MTMR3: variants seen among roughly 807,000 people sequenced by gnomAD.
MTMR3 encodes phosphatidylinositol-3,5-bisphosphate 3-phosphatase MTMR3.
In MTMR3, 32 loss-of-function variants were observed where a neutral mutation model predicts 132.4. That is an observed-to-expected ratio of 0.24 (90% confidence interval 0.18 to 0.32). The LOEUF (loss-of-function observed/expected upper bound fraction) is 0.32, where lower values mean the gene tolerates loss of function less well. MTMR3 is among the 10% of genes least tolerant of loss of function. The probability of loss-of-function intolerance (pLI) is 1.00; values close to 1 mark genes in which losing one functional copy is unlikely to be tolerated. For synonymous variants in MTMR3, 556 were observed against 550.3 expected (o/e 1.01, Z -0.14); for missense variants, 1,216 against 1,489.6 (o/e 0.82, Z 3.02).
intron 1 of MTMR3, among the ~76,000 whole-genome samples, chr22:29,931,700 A>G (rs1387421897): frequency 1.3e-5 from 2 of 151,816 alleles, no homozygotes; most frequent in Non-Finnish European, 2.9e-5. Flanking sequence ...GGCATGAGCC[A>G]CCACACCTGG....
At chr22:29,979,637 A>G (rs1227977151) in intron 5 of MTMR3, 2 of 153,590 alleles carry the variant, frequency 1.3e-5, no homozygotes, top group Non-Finnish European at 2.9e-5. Flanking sequence ...ATGCTGTATC[A>G]TTAAGCTTTA....
intron 1 of MTMR3, among the ~76,000 whole-genome samples, chr22:29,905,371 G>A (rs181686031): frequency 2.0e-5 from 3 of 152,240 alleles, no homozygotes; most frequent in Admixed American, 6.5e-5. Context: ...CCTGTTGTTC[G>A]AAGGACAACT....
At chr22:29,953,812 C>G (rs938325249) in intron 1 of MTMR3, among the ~76,000 whole-genome samples, 1 of 152,108 alleles carries the variant, frequency 6.6e-6, no homozygotes, top group African/African-American at 2.4e-5. Flanking sequence ...CCCTGTTTGT[C>G]TGTTCGTTAG....
chr22:30,008,755 A>T (rs1268685626), intron 11 of MTMR3: 21 of 355,336 alleles, frequency 5.9e-5, no homozygotes, highest in Non-Finnish European at 8.6e-5. Flanking sequence ...CTTTCTTTTA[A>T]AAAATAATAG....
Position 30,025,655 on chromosome 22 carries a change from A to G in MTMR3, c.3451A>G (p.Ser1151Gly). ...CRNCGNVFCS[S>G]CCNQKVPVPS... is the part of the protein sequence containing the mutation. ...GAATTGTGGGAACGTATTCTGCTCC[A>G]GTTGTTGTAACCAGAAGGTTCCAGT... The change falls in exon 20 of 20, where the codon AGT becomes GGT. Residue 1151 changes from serine to glycine, a missense_variant. Ser to Gly is a moderately conservative substitution (Grantham distance 56). Transcript: ENST00000401950. The G allele has an allele frequency of 6.2e-7, 1 of 1,614,210 alleles. No individual in the cohort carries two copies. The highest frequency in any genetic ancestry group is 8.5e-7 in the Non-Finnish European group (1 of 1,180,036).
At chr22:30,016,869 A>G (rs767086473) in intron 15 of MTMR3, 171 bp downstream of exon 15, 1 of 743,152 alleles carries the variant, frequency 1.3e-6, no homozygotes, top group Middle Eastern at 4.0e-4. Flanking sequence ...CCTGCTTCTG[A>G]TGGTGCTCTG....
chr22:30,005,946 C>T lies in MTMR3; in HGVS notation c.672-1168C>T, dbSNP rs1276953433. On this transcript the variant is annotated intron_variant, in intron 9 of 19. Transcript: ENST00000401950. ...TTAGGCAAGCTCCCTTAAGTAACTA[C>T]GAGTTTATAATAGTCACTACATGCA... is the stretch of plus-strand genomic sequence containing the variant. 7 of 152,118 alleles carry T rather than the reference C, an allele frequency of 4.6e-5. No homozygotes were observed. The South Asian group carries it at 8.3e-4, about 18-fold the overall frequency. 9.4% of individuals were successfully genotyped at this position (152,118 alleles called of 1,614,324 possible). A position where few individuals can be genotyped will look rare whatever the true frequency, so the allele number is the denominator to read the frequency against.
rs893572315 is a variant in MTMR3 at position 30,027,694 on chromosome 22, A to G, written c.*1893A>G. On this transcript the variant is annotated 3_prime_UTR_variant, in exon 20 of 20. Transcript: ENST00000401950. ...TTTTTATTAATATTTTCCTTTGTTA[A>G]AGGAGGAACCGTAACTCTCCATAGC... 1 of 152,684 alleles carries G rather than the reference A, an allele frequency of 6.5e-6. No homozygotes were observed. The highest frequency in any genetic ancestry group is 1.5e-5 in the Non-Finnish European group (1 of 68,030). The allele number at this position is 152,684 out of a possible 1,614,324, so 9.5% of individuals were successfully genotyped here.
intron 1 of MTMR3, among the ~76,000 whole-genome samples, chr22:29,931,461 G>A (rs1054619346): frequency 1.3e-5 from 2 of 152,066 alleles, no homozygotes; most frequent in South Asian, 2.1e-4. Flanking sequence ...TCACTCTGTC[G>A]CCCAGGCTGG....
intron 1 of MTMR3, among the ~76,000 whole-genome samples, chr22:29,886,076 G>T (rs558227442): frequency 6.6e-6 from 1 of 152,156 alleles, no homozygotes; most frequent in Non-Finnish European, 1.5e-5. Context: ...GCAGTTATCC[G>T]CATATTCTGT....
At chr22:29,885,187 T>C (rs2145690842) in intron 1 of MTMR3, among the ~76,000 whole-genome samples, 2 of 152,308 alleles carry the variant, frequency 1.3e-5, no homozygotes, top group African/African-American at 4.8e-5. Context: ...AATTAAAATC[T>C]CTGAGGATAG....
chr22:29,978,863 C>A (rs2066682800), intron 4 of MTMR3, 73 bp from the exon 5 acceptor site: 3 of 1,094,190 alleles, frequency 2.7e-6, no homozygotes, highest in South Asian at 2.7e-5. Context: ...ACCATCCATT[C>A]AGCCAACTGA....
rs1290670312 is a variant in MTMR3, at chr22:30,025,740, A to G, written c.3536A>G (p.His1179Arg). ...TGCAAGTCTTGCTATAGCAGCCTAC[A>G]TCCCACAAGCTCCAGCATTGACCTT... ...RVCKSCYSSL[H>R]PTSSSIDLEL... The change falls in exon 20 of 20, where the codon CAT becomes CGT. Residue 1179 changes from histidine to arginine, a missense_variant. His to Arg is a conservative substitution (Grantham distance 29, BLOSUM62 0). Coordinates refer to ENST00000401950, the MANE Select transcript of MTMR3 (RefSeq NM_021090.4). 2.5e-6 allele frequency: 4 copies of G among 1,614,142 alleles called. No homozygotes were observed. Among genetic ancestry groups the G allele is most frequent in the East Asian group, 2.2e-5 (1 of 44,884 alleles).
chr22:30,013,571 A>G (rs2067489777), intron 14 of MTMR3, 30 bp downstream of exon 14: 2 of 1,603,694 alleles, frequency 1.2e-6, no homozygotes, highest in Non-Finnish European at 1.7e-6. Flanking sequence ...GGACTTTCTC[A>G]ATTTGAAGGA....
intron 16 of MTMR3, 105 bp from the exon 17 acceptor site, chr22:30,019,375 A>G (rs2145972260): frequency 2.8e-6 from 3 of 1,076,892 alleles, no homozygotes; most frequent in Non-Finnish European, 4.0e-6. Context: ...ATGAGTAGCC[A>G]TAATGGACCC....
At chr22:30,009,449 T>C in intron 12 of MTMR3, 1 of 240,442 alleles carries the variant, frequency 4.2e-6, no homozygotes, top group Non-Finnish European at 8.1e-6. Context: ...TTCCACGTCA[T>C]TTTTAGCCCA....
chr22:29,961,717 T>C (rs141053978), intron 2 of MTMR3, among the ~76,000 whole-genome samples: 524 of 152,212 alleles, frequency 3.4e-3, no homozygotes, highest in African/African-American at 0.01. Flanking sequence ...TGTACAGTAA[T>C]GTCCTAGGCC....
intron 1 of MTMR3, among the ~76,000 whole-genome samples, chr22:29,944,875 T>C (rs752661791): frequency 3.3e-5 from 5 of 152,222 alleles, no homozygotes. Context: ...TAAATAGATA[T>C]TTCAGTCATT....
At chr22:29,967,917 C>CTG (rs57853762) in intron 2 of MTMR3, among the ~76,000 whole-genome samples, 37,490 of 148,180 alleles carry the variant, frequency 0.25, 4,828 homozygotes, top group African/African-American at 0.34. Flanking sequence ...ATTATATATA[C>CTG]TGTGTGTGTG....
Sources: allele counts gnomAD v4.1 joint callset (sites outside exome capture counted in the v4.1 genomes callset), GRCh38; gene constraint gnomAD v4.1.1; transcripts MANE v1.5; gene names NCBI Gene and HGNC (gene_info 2026-07-23, HGNC 2026-07-21).